TBC1D32: variants seen among roughly 807,000 people sequenced by gnomAD.
The protein encoded by TBC1D32 is TBC1 domain family member 32.
Under a neutral mutation model 170.3 loss-of-function variants are expected in TBC1D32, and 151 were observed. That is an observed-to-expected ratio of 0.89 (90% CI 0.78 to 1.01). The LOEUF is 1.01. Ranked by LOEUF, TBC1D32 falls within the 50% of genes least tolerant of loss-of-function variation. The pLI is 0.00. For synonymous variants in TBC1D32, 498 were observed against 488.0 expected (o/e 1.02, Z -0.27); for missense variants, 1,464 against 1,457.1 (o/e 1.00, Z -0.08).
chr6:121,191,109 G>A (rs1455238801), intron 22 of TBC1D32, among the ~76,000 whole-genome samples: 1 of 151,572 alleles, frequency 6.6e-6, no homozygotes, highest in Non-Finnish European at 1.5e-5. Context: ...TGCATGTGTG[G>A]ATATGTAATA....
At chr6:121,175,532 A>C (rs535494243) in intron 22 of TBC1D32, among the ~76,000 whole-genome samples, 3 of 152,350 alleles carry the variant, frequency 2.0e-5, no homozygotes, top group Non-Finnish European at 2.9e-5. Flanking sequence ...AAGAGAGTTT[A>C]ATATTAAAGT....
chr6:121,092,666 T>C (rs977736599), intron 30 of TBC1D32, among the ~76,000 whole-genome samples: 1 of 152,080 alleles, frequency 6.6e-6, no homozygotes, highest in African/African-American at 2.4e-5. Flanking sequence ...TCTCTGAGGC[T>C]TATAGATGGT....
chr6:121,279,036 TTA>T, intron 15 of TBC1D32, 83 bp downstream of exon 15: 3 of 1,442,248 alleles, frequency 2.1e-6, no homozygotes, highest in Non-Finnish European at 2.8e-6. Context: ...TCCAGCTTTT[TTA>T]GATCATTTAA....
intron 12 of TBC1D32, among the ~76,000 whole-genome samples, chr6:121,290,761 CAAT>C (rs1483469463): frequency 6.6e-6 from 1 of 151,652 alleles, no homozygotes; most frequent in Non-Finnish European, 1.5e-5. Context: ...AAATGTCCAA[CAAT>C]GATAGACTGG....
At chr6:121,154,371 T>A (rs533093686) in intron 24 of TBC1D32, among the ~76,000 whole-genome samples, 1 of 152,170 alleles carries the variant, frequency 6.6e-6, no homozygotes, top group South Asian at 2.1e-4. Context: ...CAGTTGGAAG[T>A]GCAGAAATCA....
chr6:121,117,036 G>C (rs1345286811), intron 26 of TBC1D32, among the ~76,000 whole-genome samples: 3 of 152,064 alleles, frequency 2.0e-5, no homozygotes, highest in Middle Eastern at 3.4e-3. Context: ...TTGCCAAGAG[G>C]GAATGTCCAG....
intron 24 of TBC1D32, among the ~76,000 whole-genome samples, chr6:121,141,139 C>T (rs75489855): frequency 1.3e-4 from 8 of 62,860 alleles, no homozygotes; most frequent in African/African-American, 2.4e-4. Flanking sequence ...TACATAAATA[C>T]ATAAACTCAC....
At chr6:121,112,990 G>T (rs190744086) in intron 28 of TBC1D32, 72 bp downstream of exon 28, 457 of 1,079,818 alleles carry the variant, frequency 4.2e-4, no homozygotes, top group Non-Finnish European at 5.8e-4. Flanking sequence ...ATGTGTCAAG[G>T]TATATCATCA....
At chr6:121,105,076 G>A (rs993955005) in intron 30 of TBC1D32, among the ~76,000 whole-genome samples, 1 of 151,808 alleles carries the variant, frequency 6.6e-6, no homozygotes, top group Non-Finnish European at 1.5e-5. Context: ...GACAGTTGTT[G>A]CTACTTTAAA....
At chr6:121,333,808 T>A (rs928008939) in intron 1 of TBC1D32, among the ~76,000 whole-genome samples, 3 of 152,212 alleles carry the variant, frequency 2.0e-5, no homozygotes, top group Non-Finnish European at 4.4e-5. Flanking sequence ...GGCTCACGCC[T>A]GTGATCCCAG....
chr6:121,152,538 T>C (rs1784353015), intron 24 of TBC1D32, among the ~76,000 whole-genome samples: 1 of 152,194 alleles, frequency 6.6e-6, no homozygotes, highest in African/African-American at 2.4e-5. Context: ...AATTTGAATG[T>C]TGGCCTGTCT....
At position 121,162,044 on chromosome 6, in the gene TBC1D32, T is replaced by C. The variant is rs187190889; in HGVS notation, c.2571-988A>G. On this transcript the variant is annotated intron_variant, in intron 22 of 31. Coordinates refer to ENST00000398212, the MANE Select transcript of TBC1D32 (RefSeq NM_152730.6). ...TTAATGGGACTGTTTGCTTTTCTCTTGTAAATTTGTTTACATTCCTTGTAC... is the reference window on the plus strand; with the variant it reads ...TTAATGGGACTGTTTGCTTTTCTCTCGTAAATTTGTTTACATTCCTTGTAC... Among the ~76,000 whole-genome samples the C allele has an allele frequency of 9.1e-4, 139 of 152,354 alleles. 1 individual carries two copies. The highest frequency in any genetic ancestry group is 3.1e-3 in the African/African-American group (130 of 41,576).
chr6:121,304,939 TA>T lies in TBC1D32; in HGVS notation c.691-107del. 5.4e-6 allele frequency: 4 copies of T among 738,836 alleles called. No individual in the cohort carries two copies. The South Asian group carries it at 7.6e-5, about 14-fold the overall frequency. The allele number at this position is 738,836 out of a possible 1,614,324, so 45.8% of individuals were successfully genotyped here. A position where few individuals can be genotyped will look rare whatever the true frequency, so the allele number is the denominator to read the frequency against. ...ACTCAGAAAATAAAATAAATACAAA[TA>T]AACCATTCAGAAACTAGAGTCAGAA... On this transcript the variant is annotated intron_variant, in intron 5 of 31. Transcript: ENST00000398212.
intron 24 of TBC1D32, among the ~76,000 whole-genome samples, chr6:121,132,891 T>C (rs1562591946): frequency 6.6e-6 from 1 of 151,974 alleles, no homozygotes; most frequent in South Asian, 2.1e-4. Flanking sequence ...TATGTATTCA[T>C]ATACACATAT....
intron 30 of TBC1D32, among the ~76,000 whole-genome samples, chr6:121,094,917 G>A (rs1777222707): frequency 6.6e-6 from 1 of 150,648 alleles, no homozygotes; most frequent in African/African-American, 2.5e-5. Flanking sequence ...CTACAAATGA[G>A]TCTGCTGTGT....
chr6:121,156,840 A>G (rs1438018498), intron 24 of TBC1D32, among the ~76,000 whole-genome samples: 1 of 152,104 alleles, frequency 6.6e-6, no homozygotes, highest in Admixed American at 6.6e-5. Flanking sequence ...TCTTCTTAGT[A>G]TTAATTTCCA....
At chr6:121,267,029 A>G (rs781315088) in intron 15 of TBC1D32, among the ~76,000 whole-genome samples, 25 of 151,758 alleles carry the variant, frequency 1.6e-4, no homozygotes, top group Non-Finnish European at 3.1e-4. Context: ...TTACCTATGT[A>G]ACAAACATGC....
chr6:121,330,085 G>T (rs1811011972), intron 1 of TBC1D32, among the ~76,000 whole-genome samples: 1 of 151,928 alleles, frequency 6.6e-6, no homozygotes, highest in Non-Finnish European at 1.5e-5. Flanking sequence ...TTGTGACAGG[G>T]TCTCGCTCTG....
At chr6:121,255,983 T>TG (rs1415529847) in intron 16 of TBC1D32, 101 bp downstream of exon 16, 3 of 1,008,860 alleles carry the variant, frequency 3.0e-6, no homozygotes, top group East Asian at 5.1e-5. Context: ...AAGTCATATT[T>TG]GCCCCAGTTA....
Sources: gnomAD v4.1 joint callset for allele counts (sites outside exome capture counted in the v4.1 genomes callset) on GRCh38, gnomAD v4.1.1 for gene constraint, MANE v1.5 for transcripts, NCBI Gene and HGNC (gene_info 2026-07-23, HGNC 2026-07-21) for gene names.